The following CKMT1A variants were observed in gnomAD, a reference collection of about 807,000 sequenced individuals.
The protein encoded by CKMT1A is creatine kinase, mitochondrial 1A, also known as creatine kinase U-type, mitochondrial.
In CKMT1A, 23 loss-of-function variants were observed where a neutral mutation model predicts 21.8. That is an observed-to-expected ratio of 1.05 (90% CI 0.76 to 1.49). The LOEUF (loss-of-function observed/expected upper bound fraction) is 1.49, where lower values mean the gene tolerates loss of function less well. Ranked by LOEUF, CKMT1A falls within the 40% of genes most tolerant of loss-of-function variation. The probability of loss-of-function intolerance (pLI) is 0.00; values close to 1 mark genes in which losing one functional copy is unlikely to be tolerated. For synonymous variants in CKMT1A, 67 were observed against 80.4 expected (o/e 0.83, Z 0.89); for missense variants, 154 against 229.4 (o/e 0.67, Z 2.12).
rs772301172 is a variant in CKMT1A, at chr15:43,698,988, C to G, written c.1153C>G (p.Leu385Val). Residue 385 changes from leucine to valine, a missense_variant, in exon 9 of 9, where the codon CTG (leucine) becomes GTG (valine). By Grantham distance (32) the Leu-to-Val change is conservative. Coordinates refer to ENST00000413453, the MANE Select transcript of CKMT1A (RefSeq NM_001321926.2). ...TGTCCTTCAGGTGGAGCTGGTGCAA[C>G]TGGTCATCGATGGAGTAAACTATTT... The part of the protein sequence containing the change: ...LGKSEVELVQ[L>V]VIDGVNYLID... The G allele has an allele frequency of 6.2e-7, 1 of 1,613,550 alleles. No individual in the cohort carries two copies. The highest frequency in any genetic ancestry group is 1.7e-5 in the Admixed American group (1 of 59,970).
chr15:43,697,937 G>A (rs532639689), intron 6 of CKMT1A, 77 bp from the exon 7 acceptor site: 2 of 1,581,170 alleles, frequency 1.3e-6, no homozygotes, highest in East Asian at 2.2e-5. Flanking sequence ...TAGTGTTCTT[G>A]TGGGTCTAGC....
chr15:43,698,648 G>A lies in CKMT1A; in HGVS notation c.1019G>A (p.Arg340His), dbSNP rs142460452. ...TCCCTATCTCCTCTCTAGGATAGCC[G>A]CTTCCCAAAGATCCTGGAGAACCTA... Reference protein sequence around the residue: ...IKLPLLSKDSRFPKILENLRL... With the variant: ...IKLPLLSKDSHFPKILENLRL... The change falls in exon 8 of 9, where the codon CGC (arginine) becomes CAC (histidine). Residue 340 changes from arginine (R) to histidine (H), a missense_variant. Coordinates refer to ENST00000413453, the MANE Select transcript of CKMT1A (RefSeq NM_001321926.2). 4.9e-5 allele frequency: 79 copies of A among 1,612,870 alleles called. No homozygotes were observed. The African/African-American group carries it at 7.2e-4, about 15-fold the overall frequency.
At chr15:43,697,945 A>C (rs2086474648) in intron 6 of CKMT1A, 69 bp from the exon 7 acceptor site, 1 of 1,602,510 alleles carries the variant, frequency 6.2e-7, no homozygotes, top group African/African-American at 1.3e-5. Flanking sequence ...TTGTGGGTCT[A>C]GCTAAGGGAG....
Position 43,696,451 on chromosome 15 carries a change from A to G in CKMT1A, c.876+88A>G. On this transcript the variant is annotated intron_variant, in intron 6 of 8. Transcript: ENST00000413453. ...AAATAGATTATGTAATTTATCAACCAACCCAAGACATGTCTGATGGTAAAA... is the reference window on the plus strand; with the variant it reads ...AAATAGATTATGTAATTTATCAACCGACCCAAGACATGTCTGATGGTAAAA... 4 of 1,592,958 alleles carry G rather than the reference A, an allele frequency of 2.5e-6. 1 individual carries two copies. The highest frequency in any genetic ancestry group is 3.4e-6 in the Non-Finnish European group (4 of 1,165,966).
intron 8 of CKMT1A, 75 bp downstream of exon 8, chr15:43,698,841 C>T (rs930825263): frequency 1.4e-5 from 23 of 1,605,430 alleles, no homozygotes; most frequent in African/African-American, 1.1e-4. Context: ...AGTGAGCCTC[C>T]GGGATGTAAC....
intron 7 of CKMT1A, 128 bp from the exon 8 acceptor site, chr15:43,698,513 A>C: frequency 7.3e-7 from 1 of 1,369,270 alleles, no homozygotes; most frequent in Non-Finnish European, 9.8e-7. Flanking sequence ...CTGTCTAAAA[A>C]AAAAAAAAAA....
Position 43,696,065 on chromosome 15 carries a change from G to T in CKMT1A, c.693G>T (p.Val231=), listed in dbSNP as rs1416236446. ...ACCACTTTCTGTTTGATAAGCCTGT[G>T]TCCCCGTTGCTGACTGCAGCAGGAA... ...IDDHFLFDKP[V]SPLLTAAGMA... is the part of the protein sequence containing the mutation. The change falls in exon 5 of 9, where the codon GTG becomes GTT. Residue 231 remains valine, a synonymous_variant. Transcript: ENST00000413453. 1.1e-5 allele frequency: 6 copies of T among 554,224 alleles called. No homozygotes were observed. The South Asian group carries it at 1.2e-4, about 11-fold the overall frequency. 34.3% of individuals were successfully genotyped at this position (554,224 alleles called of 1,614,324 possible).
At chr15:43,696,831 T>G in intron 6 of CKMT1A, 1 of 277,502 alleles carries the variant, frequency 3.6e-6, no homozygotes, top group Non-Finnish European at 7.0e-6. Context: ...GGCTTTAAGT[T>G]GAGAGTTCAG....
At position 43,698,110 on chromosome 15, in the gene CKMT1A, C is replaced by T. The variant is rs754073482; in HGVS notation, c.973C>T (p.Arg325Trp). 42 of 1,612,660 alleles carry T rather than the reference C, an allele frequency of 2.6e-5. No homozygotes were observed. The highest frequency in any genetic ancestry group is 3.1e-5 in the Non-Finnish European group (36 of 1,178,978). The change falls in exon 7 of 9, where the codon CGG becomes TGG. Residue 325 changes from arginine to tryptophan, a missense_variant. By Grantham distance (101) the Arg-to-Trp change is moderately radical. Transcript: ENST00000413453. The stretch of plus-strand genomic sequence containing the variant: ...TCCATCTAACCTGGGCACTGGACTT[C>T]GGGCAGGAGTGCACATCAAACTGCC... ...TCPSNLGTGL[R>W]AGVHIKLPLL...
intron 8 of CKMT1A, 70 bp downstream of exon 8, chr15:43,698,836 G>A (rs1363308859): frequency 1.2e-6 from 2 of 1,606,918 alleles, no homozygotes; most frequent in Middle Eastern, 1.6e-4. Context: ...CAGTGAGTGA[G>A]CCTCCGGGAT....
At position 43,695,785 on chromosome 15, in the gene CKMT1A, G is replaced by A; in HGVS notation, c.542G>A (p.Arg181Gln). Reference sequence around the variant, plus strand: ...CTCAGTCTGCCTCCAGCTTGCACTCGAGCAGAGCGACGAGAGGTGGAACGT... The same window carrying A: ...CTCAGTCTGCCTCCAGCTTGCACTCAAGCAGAGCGACGAGAGGTGGAACGT... ...RGLSLPPACT[R>Q]AERREVERVV... is the part of the protein sequence containing the mutation. Residue 181 changes from arginine (R) to glutamine (Q), a missense_variant, in exon 4 of 9, where the codon CGA (arginine) becomes CAA (glutamine). By Grantham distance (43) the Arg-to-Gln change is conservative. Transcript: ENST00000413453. The A allele has an allele frequency of 7.6e-6, 1 of 132,190 alleles. No homozygotes were observed. The highest frequency in any genetic ancestry group is 1.3e-5 in the Non-Finnish European group (1 of 78,502). 8.2% of individuals were successfully genotyped at this position (132,190 alleles called of 1,614,324 possible). A position where few individuals can be genotyped will look rare whatever the true frequency, so the allele number is the denominator to read the frequency against.
At position 43,695,905 on chromosome 15, in the gene CKMT1A, T is replaced by C; in HGVS notation, c.662T>C (p.Ile221Thr). 4.0e-6 allele frequency: 1 copy of C among 251,312 alleles called. No individual in the cohort carries two copies. The highest frequency in any genetic ancestry group is 2.6e-5 in the South Asian group (1 of 37,880). 15.6% of individuals were successfully genotyped at this position (251,312 alleles called of 1,614,324 possible). A position where few individuals can be genotyped will look rare whatever the true frequency, so the allele number is the denominator to read the frequency against. ...ACAGAGGCTGAACAGCAGCAGCTTATTGATGTGAGGGCCTTAAGAGGGTGC... is the reference window on the plus strand; with the variant it reads ...ACAGAGGCTGAACAGCAGCAGCTTACTGATGTGAGGGCCTTAAGAGGGTGC... Reference protein sequence around the residue: ...EMTEAEQQQLIDDHFLFDKPV... With the variant: ...EMTEAEQQQLTDDHFLFDKPV... The change falls in exon 4 of 9, where the codon ATT (isoleucine) becomes ACT (threonine). Residue 221 changes from isoleucine to threonine, a missense_variant. Physicochemically the swap from Ile to Thr is moderately conservative, Grantham distance 89. Coordinates refer to ENST00000413453, the MANE Select transcript of CKMT1A (RefSeq NM_001321926.2).
At chr15:43,696,521 T>C in intron 6 of CKMT1A, 158 bp downstream of exon 6, 1 of 1,181,388 alleles carries the variant, frequency 8.5e-7, no homozygotes. Flanking sequence ...ATAAACCAGC[T>C]GGGACCATAC....
chr15:43,696,431 G>C, intron 6 of CKMT1A, 68 bp downstream of exon 6: 2 of 1,605,466 alleles, frequency 1.2e-6, no homozygotes, highest in Non-Finnish European at 1.7e-6. Flanking sequence ...AGCATAAATA[G>C]ATTATGTAAT....
Position 43,696,331 on chromosome 15 carries a change from G to C in CKMT1A, c.844G>C (p.Val282Leu), listed in dbSNP as rs745834589. The change falls in exon 6 of 9, where the codon GTG (valine) becomes CTG (leucine). Residue 282 changes from valine to leucine, a missense_variant. Physicochemically the swap from Val to Leu is conservative, Grantham distance 32. Coordinates refer to ENST00000413453, the MANE Select transcript of CKMT1A (RefSeq NM_001321926.2). ...GGAGAAGGGTGGTAACATGAAGAGA[G>C]TGTTTGAAAGATTCTGCCGAGGCCT... Reference protein sequence around the residue: ...SMEKGGNMKRVFERFCRGLKE... With the variant: ...SMEKGGNMKRLFERFCRGLKE... 6.2e-7 allele frequency: 1 copy of C among 1,610,132 alleles called. No individual in the cohort carries two copies. The highest frequency in any genetic ancestry group is 8.5e-7 in the Non-Finnish European group (1 of 1,178,864).
chr15:43,696,518 A>AGCTG, intron 6 of CKMT1A, 155 bp downstream of exon 6: 1 of 1,186,742 alleles, frequency 8.4e-7, no homozygotes, highest in Non-Finnish European at 1.2e-6. Context: ...GGTATAAACC[A>AGCTG]GCTGGGACCA....
rs527890141 is a variant in CKMT1A, at chr15:43,699,160, T to G, written c.*71T>G. 1.9e-6 allele frequency: 3 copies of G among 1,611,836 alleles called. No individual in the cohort carries two copies. The East Asian group carries it at 6.7e-5, about 36-fold the overall frequency. Reference sequence around the variant, plus strand: ...CATTCTAATGATGGCCCATTCTACTTGCTCTGGACCTGCCCTCGCATCCCC... The same window carrying G: ...CATTCTAATGATGGCCCATTCTACTGGCTCTGGACCTGCCCTCGCATCCCC... On this transcript the variant is annotated 3_prime_UTR_variant, in exon 9 of 9. Coordinates refer to ENST00000413453, the MANE Select transcript of CKMT1A (RefSeq NM_001321926.2).
chr15:43,697,484 CCCTGTCCCCTATT>C (rs2086465466), intron 6 of CKMT1A: 1 of 983,996 alleles, frequency 1.0e-6, no homozygotes, highest in Admixed American at 6.2e-5. Context: ...AATGCCTTCC[CCCTGTCCCCTATT>C]CCTATGAATC....
At position 43,698,014 on chromosome 15, in the gene CKMT1A, G is replaced by T. The variant is rs796743515; in HGVS notation, c.877G>T (p.Val293Leu). Residue 293 changes from valine to leucine, a missense_variant and splice_region_variant, in exon 7 of 9, where the codon GTG becomes TTG. Physicochemically the swap from Val to Leu is conservative, Grantham distance 32 (BLOSUM62 1). Transcript: ENST00000413453. Reference protein sequence around the residue: ...FERFCRGLKEVERLIQERGWE... With the variant: ...FERFCRGLKELERLIQERGWE... The stretch of plus-strand genomic sequence containing the variant: ...ATTAATAAAAACTTTGTGGACTCAG[G>T]TGGAGAGACTTATCCAAGAACGTGG... 6.2e-7 allele frequency: 1 copy of T among 1,613,766 alleles called. No homozygotes were observed. Among genetic ancestry groups the T allele is most frequent in the Non-Finnish European group, 8.5e-7 (1 of 1,179,844 alleles).
Sources: gnomAD v4.1 joint callset for allele counts on GRCh38, gnomAD v4.1.1 for gene constraint, MANE v1.5 for transcripts, NCBI Gene and HGNC (gene_info 2026-07-23, HGNC 2026-07-21) for gene names.